The following MARCHF10 variants were observed in gnomAD, a reference collection of about 807,000 sequenced individuals.
MARCHF10 encodes the protein probable E3 ubiquitin-protein ligase MARCHF10.
MARCHF10 carries 64 observed loss-of-function variants against 76.2 expected under a neutral mutation model. That is an observed-to-expected ratio of 0.84 (90% CI 0.69 to 1.03). MARCHF10 has a LOEUF of 1.03. Ranked by LOEUF, MARCHF10 falls within the 50% of genes least tolerant of loss-of-function variation. The pLI, the probability that MARCHF10 is intolerant of heterozygous loss-of-function variation, is 0.00. For synonymous variants in MARCHF10, 340 were observed against 357.5 expected (o/e 0.95, Z 0.55); for missense variants, 875 against 958.0 (o/e 0.91, Z 1.14).
At chr17:62,773,841 A>G (rs1568190659) in intron 3 of MARCHF10, among the ~76,000 whole-genome samples, 1 of 152,262 alleles carries the variant, frequency 6.6e-6, no homozygotes, top group Non-Finnish European at 1.5e-5. Context: ...GAGGAATTCC[A>G]GAGGCTGTGG....
chr17:62,802,703 A>G (rs150225223), intron 1 of MARCHF10, among the ~76,000 whole-genome samples: 175 of 152,280 alleles, frequency 1.1e-3, no homozygotes, highest in African/African-American at 4.1e-3. Flanking sequence ...AGAGTGAGCT[A>G]GCTGAGAAGT....
At chr17:62,704,302 C>T (rs1301876171) in intron 10 of MARCHF10, among the ~76,000 whole-genome samples, 2 of 152,046 alleles carry the variant, frequency 1.3e-5, no homozygotes, top group Non-Finnish European at 2.9e-5. Flanking sequence ...TCGCAGCGCC[C>T]TTCCCGGCTG....
chr17:62,714,220 G>A (rs1029053032), intron 8 of MARCHF10, among the ~76,000 whole-genome samples: 1 of 152,208 alleles, frequency 6.6e-6, no homozygotes, highest in African/African-American at 2.4e-5. Flanking sequence ...AGTGAGCAGG[G>A]GCCCCTGGAG....
intron 3 of MARCHF10, among the ~76,000 whole-genome samples, chr17:62,765,867 G>A (rs1286795295): frequency 2.0e-5 from 3 of 152,086 alleles, no homozygotes; most frequent in Admixed American, 6.6e-5. Context: ...GTGCGAGGAC[G>A]AAAAGGAAGC....
chr17:62,737,434 G>T (rs2091323565), intron 5 of MARCHF10, 102 bp from the exon 6 acceptor site: 1 of 1,062,270 alleles, frequency 9.4e-7, no homozygotes, highest in Non-Finnish European at 1.4e-6. Flanking sequence ...CAACAGACAA[G>T]ACCTAGAGAA....
intron 3 of MARCHF10, among the ~76,000 whole-genome samples, chr17:62,760,325 T>C (rs548743027): frequency 2.2e-4 from 34 of 152,370 alleles, no homozygotes; most frequent in Non-Finnish European, 3.8e-4. Context: ...ATAGCGCATG[T>C]GCTTTTAAAC....
intron 4 of MARCHF10, among the ~76,000 whole-genome samples, chr17:62,747,903 TCA>T (rs1208628559): frequency 1.3e-5 from 2 of 152,236 alleles, no homozygotes; most frequent in African/African-American, 4.8e-5. Context: ...ATTTGAGGGT[TCA>T]CAAAGATGAA....
intron 4 of MARCHF10, among the ~76,000 whole-genome samples, chr17:62,755,102 A>G (rs755024586): frequency 2.6e-5 from 4 of 152,200 alleles, no homozygotes; most frequent in Admixed American, 6.5e-5. Context: ...GCAAATCTGA[A>G]CCCAGTAATG....
At chr17:62,730,582 C>A (rs1450485691) in intron 6 of MARCHF10, among the ~76,000 whole-genome samples, 1 of 151,928 alleles carries the variant, frequency 6.6e-6, no homozygotes, top group African/African-American at 2.4e-5. Flanking sequence ...TTTTCTGGAT[C>A]AAAAAACAGG....
intron 8 of MARCHF10, among the ~76,000 whole-genome samples, chr17:62,718,249 A>G (rs992027719): frequency 6.6e-6 from 1 of 152,186 alleles, no homozygotes; most frequent in Non-Finnish European, 1.5e-5. Flanking sequence ...TCTGGGGAAG[A>G]GAGTAGGGTT....
rs1261706869 is a variant in MARCHF10, at chr17:62,754,842, AC to A, written c.382+4992del. ...GACACCAGTTGGACTTGCCGCGAAAACCATTAATCTGGCCTTTCAGAGAAAA... is the reference window on the plus strand; with the variant it reads ...GACACCAGTTGGACTTGCCGCGAAAACATTAATCTGGCCTTTCAGAGAAAA... On this transcript the variant is annotated intron_variant, in intron 4 of 10. Transcript: ENST00000311269. Among the ~76,000 whole-genome samples, 7 of 152,262 alleles carry A rather than the reference AC, an allele frequency of 4.6e-5. No individual in the cohort carries two copies. In the South Asian group the frequency reaches 1.5e-3, roughly 32 times the overall value.
chr17:62,766,037 T>TAA (rs36048395), intron 3 of MARCHF10, among the ~76,000 whole-genome samples: 10 of 150,104 alleles, frequency 6.7e-5, no homozygotes, highest in Middle Eastern at 3.4e-3. Flanking sequence ...CTACAAAAAA[T>TAA]AAAAAAAAAT....
rs1411096726 is a variant in MARCHF10, at chr17:62,705,553, G to A, written c.2357C>T (p.Thr786Ile). Reference protein sequence around the residue: ...RLSRNYPQPRTEENENSELGD... With the variant: ...RLSRNYPQPRIEENENSELGD... ...CCAAAACCTACTTTCATTTTCCTCT[G>A]TTCTGGGTTGTGGGTAATTTCTTGA... The change falls in exon 10 of 11, where the codon ACA becomes ATA. Residue 786 changes from threonine (T) to isoleucine (I), a missense_variant. Transcript: ENST00000311269. The A allele has an allele frequency of 6.2e-7, 1 of 1,614,084 alleles. No homozygotes were observed. Among genetic ancestry groups the A allele is most frequent in the Non-Finnish European group, 8.5e-7 (1 of 1,180,018 alleles).
intron 4 of MARCHF10, among the ~76,000 whole-genome samples, chr17:62,751,279 C>T (rs8072613): frequency 0.52 from 78,543 of 151,870 alleles, 21,376 homozygotes; most frequent in East Asian, 0.71. Flanking sequence ...CTTACCTGCC[C>T]GGAACCTGTT....
chr17:62,754,486 C>A (rs6504122), intron 4 of MARCHF10, among the ~76,000 whole-genome samples: 78,217 of 151,554 alleles, frequency 0.52, 21,205 homozygotes, highest in East Asian at 0.7. Context: ...TCATAAGCAG[C>A]GGAAGGCCTG....
intron 3 of MARCHF10, among the ~76,000 whole-genome samples, chr17:62,775,468 T>C (rs1271822645): frequency 2.0e-5 from 3 of 151,190 alleles, no homozygotes; most frequent in Non-Finnish European, 4.4e-5. Flanking sequence ...ACTACAGACA[T>C]TTGTATAATG....
intron 4 of MARCHF10, among the ~76,000 whole-genome samples, chr17:62,751,214 C>T (rs374457175): frequency 5.9e-5 from 9 of 152,310 alleles, no homozygotes; most frequent in Middle Eastern, 3.4e-3. Flanking sequence ...TACCCCCTCA[C>T]GCCTGACAAA....
At chr17:62,802,219 C>T (rs2093086173) in intron 1 of MARCHF10, among the ~76,000 whole-genome samples, 2 of 152,106 alleles carry the variant, frequency 1.3e-5, no homozygotes, top group African/African-American at 4.8e-5. Flanking sequence ...CTCATCTTTG[C>T]TCTTTTTTTC....
At chr17:62,705,495 T>C in intron 10 of MARCHF10, 44 bp downstream of exon 10, 3 of 1,614,116 alleles carry the variant, frequency 1.9e-6, no homozygotes, top group Non-Finnish European at 2.5e-6. Flanking sequence ...AAGAGTAATT[T>C]AGCAAACACC....
Sources: allele counts gnomAD v4.1 joint callset (sites outside exome capture counted in the v4.1 genomes callset), GRCh38; gene constraint gnomAD v4.1.1; transcripts MANE v1.5; gene names NCBI Gene and HGNC (gene_info 2026-07-23, HGNC 2026-07-21).